Variants in MID1 observed in about 807,000 individuals in gnomAD.
MID1 encodes midline 1.
Under a neutral mutation model 40.4 loss-of-function variants are expected in MID1, and 7 were observed. The observed-to-expected ratio is 0.17, with a 90% confidence interval of 0.10 to 0.33. MID1 has a LOEUF of 0.33. MID1 is among the 10% of genes least tolerant of loss of function. The probability of loss-of-function intolerance (pLI) is 1.00; values close to 1 mark genes in which losing one functional copy is unlikely to be tolerated. For missense variants in MID1, 367 were observed against 558.5 expected (o/e 0.66, Z 3.46); for synonymous variants, 229 against 221.2 (o/e 1.04, Z -0.31).
At position 10,631,626 on chromosome X, in the gene MID1, T is replaced by C. The variant is rs183583885; in HGVS notation, c.-186-11207A>G. On this transcript the variant is annotated intron_variant, in intron 1 of 10. Transcript: ENST00000380785. The stretch of plus-strand genomic sequence containing the variant: ...AGAGTCAGTTGTATGTTTATATGAC[T>C]CCACTTGTAATCATTGCATGACTCA... 4.6e-3 allele frequency among the ~76,000 whole-genome samples: 517 copies of C among 112,429 alleles called. 3 individuals are homozygous for C. The highest frequency in any genetic ancestry group is 0.016 in the African/African-American group (498 of 30,997).
At chrX:10,806,238 T>C (rs949667343) in intron 1 of MID1, among the ~76,000 whole-genome samples, 31 of 111,907 alleles carry the variant, frequency 2.8e-4, no homozygotes, top group African/African-American at 9.1e-4. Flanking sequence ...CCATCTTGAA[T>C]TAATTTTTGT....
intron 1 of MID1, among the ~76,000 whole-genome samples, chrX:10,653,390 C>G: frequency 8.9e-6 from 1 of 112,631 alleles, no homozygotes; most frequent in Non-Finnish European, 1.9e-5. Flanking sequence ...ATTCCCATGT[C>G]TTGTCTTGTA....
chrX:10,809,132 C>T (rs1458295573), intron 1 of MID1, among the ~76,000 whole-genome samples: 10 of 112,149 alleles, frequency 8.9e-5, no homozygotes, highest in Admixed American at 4.7e-4. Flanking sequence ...TGAACAGACA[C>T]TTCTCAAAAG....
chrX:10,748,210 C>CCCCA (rs1416452887), intron 1 of MID1, among the ~76,000 whole-genome samples: 1 of 111,391 alleles, frequency 9.0e-6, no homozygotes, highest in Non-Finnish European at 1.9e-5. Context: ...TGTTCTCAGG[C>CCCCA]CCCAGCCCAT....
At chrX:10,719,796 T>C (rs1157211310) in intron 1 of MID1, among the ~76,000 whole-genome samples, 2 of 111,131 alleles carry the variant, frequency 1.8e-5, no homozygotes, top group African/African-American at 6.6e-5. Context: ...GACTTCAAAC[T>C]ATACTACAAG....
chrX:10,611,215 T>C (rs1371285841), intron 1 of MID1, among the ~76,000 whole-genome samples: 1 of 112,241 alleles, frequency 8.9e-6, no homozygotes, highest in Non-Finnish European at 1.9e-5. Flanking sequence ...CTTGTAAATT[T>C]GATGTAAGTT....
At chrX:10,688,705 T>G in intron 1 of MID1, among the ~76,000 whole-genome samples, 1 of 111,553 alleles carries the variant, frequency 9.0e-6, no homozygotes, top group Non-Finnish European at 1.9e-5. Flanking sequence ...AGTAATCTGA[T>G]GGTATATGTT....
chrX:10,665,910 C>T (rs1179116853), intron 1 of MID1, among the ~76,000 whole-genome samples: 2 of 109,774 alleles, frequency 1.8e-5, no homozygotes, highest in African/African-American at 3.3e-5. Context: ...CTGTGACACA[C>T]GTGACCTGAT....
At chrX:10,723,112 A>G (rs2043368626) in intron 1 of MID1, among the ~76,000 whole-genome samples, 1 of 111,563 alleles carries the variant, frequency 9.0e-6, no homozygotes, top group Non-Finnish European at 1.9e-5. Flanking sequence ...TAGTTACAAA[A>G]CCCCAAACCA....
chrX:10,820,226 T>G (rs1463246902), intron 1 of MID1, among the ~76,000 whole-genome samples: 1 of 111,900 alleles, frequency 8.9e-6, no homozygotes, highest in African/African-American at 3.2e-5. Flanking sequence ...CAGGGAGAGA[T>G]AAATAAGCAG....
intron 1 of MID1, among the ~76,000 whole-genome samples, chrX:10,638,989 C>T (rs1936155310): frequency 8.9e-6 from 1 of 112,160 alleles, no homozygotes; most frequent in Admixed American, 9.5e-5. Flanking sequence ...GACATTCACA[C>T]CAAAACCCCA....
At chrX:10,553,019 G>A (rs1294444491) in intron 2 of MID1, among the ~76,000 whole-genome samples, 13 of 111,091 alleles carry the variant, frequency 1.2e-4, no homozygotes, top group African/African-American at 2.9e-4. Context: ...AGGCCTAGGC[G>A]GGCAGATCAC....
intron 1 of MID1, among the ~76,000 whole-genome samples, chrX:10,653,406 G>C (rs1040913761): frequency 8.9e-6 from 1 of 112,272 alleles, no homozygotes; most frequent in African/African-American, 3.2e-5. Context: ...TTGTATTTCT[G>C]CCTCTCGACT....
At chrX:10,825,844 C>T (rs1031892490) in intron 1 of MID1, among the ~76,000 whole-genome samples, 1 of 111,695 alleles carries the variant, frequency 9.0e-6, no homozygotes, top group African/African-American at 3.3e-5. Context: ...TCCCTCCAGG[C>T]TTTACTGCTG....
chrX:10,645,010 G>A (rs60939073), intron 1 of MID1, among the ~76,000 whole-genome samples: 44 of 111,863 alleles, frequency 3.9e-4, no homozygotes, highest in African/African-American at 1.1e-3. Context: ...GCGACAGCAT[G>A]GCACTTTGTT....
At chrX:10,764,265 G>T (rs1198231975) in intron 1 of MID1, among the ~76,000 whole-genome samples, 9 of 111,522 alleles carry the variant, frequency 8.1e-5, no homozygotes, top group Non-Finnish European at 1.1e-4. Context: ...GAATGGTAAT[G>T]CCTAGGTTTT....
At chrX:10,639,810 T>G (rs1334325787) in intron 1 of MID1, among the ~76,000 whole-genome samples, 1 of 112,133 alleles carries the variant, frequency 8.9e-6, no homozygotes, top group African/African-American at 3.2e-5. Flanking sequence ...GACTAACAGC[T>G]GATCTGTCGG....
chrX:10,673,263 G>T (rs1217576599), intron 1 of MID1, among the ~76,000 whole-genome samples: 4 of 111,384 alleles, frequency 3.6e-5, no homozygotes, highest in South Asian at 7.6e-4. Flanking sequence ...CCTGCTGGGG[G>T]CAGAAAGTGA....
At chrX:10,718,944 A>G (rs1399521807) in intron 1 of MID1, among the ~76,000 whole-genome samples, 1 of 111,845 alleles carries the variant, frequency 8.9e-6, no homozygotes, top group Non-Finnish European at 1.9e-5. Context: ...CAAAGAAAAA[A>G]CCACATGATT....
Sources: gnomAD v4.1 joint callset for allele counts (sites outside exome capture counted in the v4.1 genomes callset) on GRCh38, gnomAD v4.1.1 for gene constraint, MANE v1.5 for transcripts, NCBI Gene and HGNC (gene_info 2026-07-23, HGNC 2026-07-21) for gene names.